Variants in HNF4G observed in about 807,000 individuals in gnomAD.
HNF4G encodes the protein hepatocyte nuclear factor 4 gamma.
A neutral mutation model predicts 50.9 loss-of-function variants in HNF4G; 21 were observed. The ratio of observed to expected loss-of-function variants is 0.41; its 90% confidence interval spans 0.29 to 0.59. The LOEUF (loss-of-function observed/expected upper bound fraction) is 0.59. HNF4G is among the 20% of genes least tolerant of loss of function. HNF4G has a pLI of 0.26. For synonymous variants in HNF4G, 198 were observed against 185.6 expected (o/e 1.07, Z -0.54); for missense variants, 527 against 559.4 (o/e 0.94, Z 0.58).
intron 1 of HNF4G, among the ~76,000 whole-genome samples, chr8:75,444,067 A>C (rs1297600936): frequency 6.6e-6 from 1 of 152,198 alleles, no homozygotes; most frequent in Non-Finnish European, 1.5e-5. Context: ...CCATCAGACT[A>C]ACAGCAGATC....
At chr8:75,533,359 C>T (rs1806379997) in intron 2 of HNF4G, among the ~76,000 whole-genome samples, 1 of 151,948 alleles carries the variant, frequency 6.6e-6, no homozygotes, top group African/African-American at 2.4e-5. Context: ...TCCAGACTTT[C>T]TGATTTAATT....
At chr8:75,451,259 T>G (rs553913563) in intron 1 of HNF4G, among the ~76,000 whole-genome samples, 1 of 152,294 alleles carries the variant, frequency 6.6e-6, no homozygotes, top group East Asian at 1.9e-4. Context: ...TTGTATAGCT[T>G]GCAAATATAT....
intron 2 of HNF4G, among the ~76,000 whole-genome samples, chr8:75,506,895 G>T (rs917022213): frequency 3.3e-5 from 5 of 152,006 alleles, no homozygotes; most frequent in African/African-American, 9.7e-5. Context: ...AGCTTTTTAT[G>T]CAGTGGCTGA....
At chr8:75,485,295 G>A (rs1206346961) in intron 1 of HNF4G, among the ~76,000 whole-genome samples, 2 of 152,142 alleles carry the variant, frequency 1.3e-5, no homozygotes, top group Non-Finnish European at 1.5e-5. Context: ...GGTTTCAAGT[G>A]TGAATATTTT....
At chr8:75,449,787 A>G (rs58520518) in intron 1 of HNF4G, among the ~76,000 whole-genome samples, 7,951 of 152,134 alleles carry the variant, frequency 0.052, 304 homozygotes, top group African/African-American at 0.11. Flanking sequence ...GATTACAGGC[A>G]TGAGCCACCG....
intron 2 of HNF4G, among the ~76,000 whole-genome samples, chr8:75,547,263 G>T (rs568997782): frequency 2.2e-3 from 334 of 152,306 alleles, no homozygotes; most frequent in Middle Eastern, 3.4e-3. Context: ...AAATCATTTA[G>T]CAATAAGCAA....
chr8:75,451,885 C>T (rs1811593785), intron 1 of HNF4G, among the ~76,000 whole-genome samples: 1 of 152,240 alleles, frequency 6.6e-6, no homozygotes, highest in South Asian at 2.1e-4. Flanking sequence ...TAGGTTGGAG[C>T]CTAATCACAG....
At chr8:75,411,108 A>G (rs187243624) in intron 1 of HNF4G, among the ~76,000 whole-genome samples, 4 of 152,338 alleles carry the variant, frequency 2.6e-5, no homozygotes, top group African/African-American at 9.6e-5. Flanking sequence ...TAACTTGACT[A>G]AGGTTACACG....
chr8:75,549,001 A>G (rs1219749598), intron 3 of HNF4G, among the ~76,000 whole-genome samples: 1 of 152,186 alleles, frequency 6.6e-6, no homozygotes, highest in African/African-American at 2.4e-5. Flanking sequence ...AACTAATTAC[A>G]CACTTGGTCA....
At chr8:75,439,085 TA>T in intron 1 of HNF4G, among the ~76,000 whole-genome samples, 1 of 152,214 alleles carries the variant, frequency 6.6e-6, no homozygotes, top group East Asian at 1.9e-4. Flanking sequence ...TATTTGCAAT[TA>T]CAAACAATCT....
chr8:75,415,886 G>T (rs1810621996), intron 1 of HNF4G, among the ~76,000 whole-genome samples: 1 of 152,172 alleles, frequency 6.6e-6, no homozygotes, highest in South Asian at 2.1e-4. Flanking sequence ...TAGGGCAGGG[G>T]AGAGTGTCCT....
At chr8:75,520,059 C>T (rs1162993556) in intron 2 of HNF4G, among the ~76,000 whole-genome samples, 25 of 151,714 alleles carry the variant, frequency 1.6e-4, no homozygotes, top group Admixed American at 1.6e-3. Context: ...TTTCATTTTA[C>T]TTCTTTTGTT....
At chr8:75,507,850 G>A (rs1423447051) in intron 2 of HNF4G, among the ~76,000 whole-genome samples, 2 of 152,044 alleles carry the variant, frequency 1.3e-5, no homozygotes, top group Non-Finnish European at 2.9e-5. Flanking sequence ...AACTTATTAA[G>A]TGACTTAAAA....
intron 2 of HNF4G, among the ~76,000 whole-genome samples, chr8:75,532,400 T>C (rs1806352466): frequency 6.6e-6 from 1 of 152,088 alleles, no homozygotes; most frequent in Non-Finnish European, 1.5e-5. Context: ...TAGTTCTAGA[T>C]TAAGGGAAAT....
At chr8:75,452,539 G>A (rs565906488) in intron 1 of HNF4G, among the ~76,000 whole-genome samples, 5 of 152,160 alleles carry the variant, frequency 3.3e-5, no homozygotes, top group Admixed American at 1.3e-4. Context: ...CTAACACGGC[G>A]AAACCCCGTC....
intron 2 of HNF4G, among the ~76,000 whole-genome samples, chr8:75,500,406 T>G (rs1288454373): frequency 6.6e-6 from 1 of 152,172 alleles, no homozygotes; most frequent in East Asian, 1.9e-4. Context: ...TGAAATCTCA[T>G]GTATTACTGG....
At chr8:75,518,653 G>A (rs966878572) in intron 2 of HNF4G, among the ~76,000 whole-genome samples, 1 of 152,122 alleles carries the variant, frequency 6.6e-6, no homozygotes, top group Non-Finnish European at 1.5e-5. Flanking sequence ...TGAGCTCTAT[G>A]TTGGCCACAT....
At chr8:75,469,327 A>G (rs530012087) in intron 1 of HNF4G, among the ~76,000 whole-genome samples, 1 of 152,306 alleles carries the variant, frequency 6.6e-6, no homozygotes, top group Admixed American at 6.5e-5. Context: ...AAAATTACAT[A>G]GCACAGGGTG....
At chr8:75,468,909 A>G (rs990158484) in intron 1 of HNF4G, among the ~76,000 whole-genome samples, 1 of 150,420 alleles carries the variant, frequency 6.6e-6, no homozygotes, top group Admixed American at 6.6e-5. Context: ...CCCACTCTTT[A>G]TTCTTTACTC....
Sources: gnomAD v4.1 joint callset for allele counts (sites outside exome capture counted in the v4.1 genomes callset) on GRCh38, gnomAD v4.1.1 for gene constraint, MANE v1.5 for transcripts, NCBI Gene and HGNC (gene_info 2026-07-23, HGNC 2026-07-21) for gene names.